The following DLG2 variants were observed in gnomAD, a reference collection of about 807,000 sequenced individuals.
The protein encoded by DLG2 is disks large homolog 2.
A neutral mutation model predicts 132.5 loss-of-function variants in DLG2; 45 were observed. The observed-to-expected ratio is 0.34, with a 90% CI of 0.27 to 0.44. The LOEUF (loss-of-function observed/expected upper bound fraction) is 0.44. Among genes scored for constraint, DLG2 ranks in the 20% least tolerant of loss-of-function variants. The pLI is 1.00. For synonymous variants in DLG2, 424 were observed against 419.6 expected, an observed-to-expected ratio of 1.01 and a Z score of -0.13; for missense variants, 1,045 against 1,196.9, an observed-to-expected ratio of 0.87 and a Z score of 1.87.
chr11:84,974,405 A>C (rs531486936), intron 6 of DLG2, among the ~76,000 whole-genome samples: 37 of 152,308 alleles, frequency 2.4e-4, no homozygotes, highest in African/African-American at 8.9e-4. Context: ...TAGGTAATTT[A>C]GTTAACTTTC....
chr11:85,288,845 T>C (rs2152766338), intron 3 of DLG2, among the ~76,000 whole-genome samples: 1 of 152,202 alleles, frequency 6.6e-6, no homozygotes, highest in South Asian at 2.1e-4. Context: ...TGAGCAGTAT[T>C]TGCAAGTCAC....
intron 18 of DLG2, among the ~76,000 whole-genome samples, chr11:83,768,285 A>G (rs2094228594): frequency 1.3e-5 from 2 of 152,188 alleles, no homozygotes; most frequent in Admixed American, 1.3e-4. Flanking sequence ...CTTGCTCCTT[A>G]AAGGTTGCAT....
intron 3 of DLG2, among the ~76,000 whole-genome samples, chr11:85,558,565 A>T (rs2077054242): frequency 6.6e-6 from 1 of 151,954 alleles, no homozygotes; most frequent in Non-Finnish European, 1.5e-5. Flanking sequence ...AGTGGACTGG[A>T]TAAAGACAAT....
At chr11:85,365,758 G>C (rs919601366) in intron 3 of DLG2, among the ~76,000 whole-genome samples, 2 of 152,168 alleles carry the variant, frequency 1.3e-5, no homozygotes, top group African/African-American at 4.8e-5. Flanking sequence ...CAGCCATAAA[G>C]AAGGATGAGT....
chr11:84,142,285 C>T (rs1015717238), intron 9 of DLG2, among the ~76,000 whole-genome samples: 1 of 142,132 alleles, frequency 7.0e-6, no homozygotes, highest in African/African-American at 2.6e-5. Flanking sequence ...CGCTCCACTG[C>T]ACTCTAGCCT....
intron 6 of DLG2, among the ~76,000 whole-genome samples, chr11:84,591,188 AG>A (rs2099541815): frequency 7.0e-6 from 1 of 143,306 alleles, no homozygotes; most frequent in Non-Finnish European, 1.5e-5. Context: ...CCCACCCTAA[AG>A]TTTTGTTATA....
chr11:84,204,850 C>T (rs548797972), intron 8 of DLG2, among the ~76,000 whole-genome samples: 4 of 152,138 alleles, frequency 2.6e-5, no homozygotes, highest in African/African-American at 7.2e-5. Flanking sequence ...TATAGGCTCC[C>T]GCCACCACAC....
At chr11:83,538,890 G>A (rs1446342605) in intron 20 of DLG2, among the ~76,000 whole-genome samples, 4 of 152,206 alleles carry the variant, frequency 2.6e-5, no homozygotes, top group Non-Finnish European at 5.9e-5. Flanking sequence ...AGCAATGCTT[G>A]CTGAATTGAA....
intron 3 of DLG2, among the ~76,000 whole-genome samples, chr11:85,586,628 T>C (rs1423477896): frequency 6.6e-6 from 1 of 152,208 alleles, no homozygotes; most frequent in African/African-American, 2.4e-5. Flanking sequence ...AGTCTATCAA[T>C]TTTGTTTATC....
chr11:84,222,490 A>G (rs1211729347), intron 8 of DLG2, among the ~76,000 whole-genome samples: 1 of 152,234 alleles, frequency 6.6e-6, no homozygotes, highest in East Asian at 1.9e-4. Context: ...AGAAAGGGCT[A>G]TAAAATGTCG....
At chr11:84,824,164 C>A (rs187981632) in intron 6 of DLG2, among the ~76,000 whole-genome samples, 164 of 152,018 alleles carry the variant, frequency 1.1e-3, no homozygotes, top group African/African-American at 3.8e-3. Flanking sequence ...ACTTTGCAGG[C>A]AGAACTGCAG....
intron 3 of DLG2, among the ~76,000 whole-genome samples, chr11:85,387,750 A>G (rs1332750720): frequency 6.6e-6 from 1 of 152,222 alleles, no homozygotes; most frequent in Non-Finnish European, 1.5e-5. Flanking sequence ...CTGAGTCAAT[A>G]TATCTAAAAT....
chr11:84,501,496 A>T (rs2099205135), intron 7 of DLG2, among the ~76,000 whole-genome samples: 1 of 152,132 alleles, frequency 6.6e-6, no homozygotes, highest in African/African-American at 2.4e-5. Context: ...ACCCGGGAAG[A>T]TGGACGGTGG....
At chr11:84,552,466 A>T (rs1168304185) in intron 6 of DLG2, among the ~76,000 whole-genome samples, 1 of 152,140 alleles carries the variant, frequency 6.6e-6, no homozygotes, top group Non-Finnish European at 1.5e-5. Flanking sequence ...TTTAACGTCA[A>T]AGTTCAGTTA....
At chr11:84,995,655 G>C (rs1377508259) in intron 6 of DLG2, among the ~76,000 whole-genome samples, 1 of 152,060 alleles carries the variant, frequency 6.6e-6, no homozygotes, top group Non-Finnish European at 1.5e-5. Flanking sequence ...TGGAACATTT[G>C]AGAGATTGTC....
intron 12 of DLG2, among the ~76,000 whole-genome samples, chr11:83,967,365 G>T (rs1275731485): frequency 1.3e-5 from 2 of 152,002 alleles, no homozygotes; most frequent in African/African-American, 4.8e-5. Context: ...GTGTACAAGT[G>T]CTCCCTTTTC....
intron 7 of DLG2, among the ~76,000 whole-genome samples, chr11:84,355,064 T>C (rs528570337): frequency 2.6e-5 from 4 of 152,090 alleles, no homozygotes; most frequent in African/African-American, 9.7e-5. Flanking sequence ...CCTACTTTAG[T>C]TCACAGTGTA....
At chr11:83,897,003 A>G (rs1314626592) in intron 15 of DLG2, among the ~76,000 whole-genome samples, 5 of 152,222 alleles carry the variant, frequency 3.3e-5, no homozygotes, top group Non-Finnish European at 5.9e-5. Context: ...ATCTGATTCC[A>G]TACTAGCAGA....
chr11:84,691,841 C>T (rs534506038), intron 6 of DLG2, among the ~76,000 whole-genome samples: 2 of 151,652 alleles, frequency 1.3e-5, no homozygotes, highest in South Asian at 2.1e-4. Flanking sequence ...GCATGGCATG[C>T]AAAAATCATT....
Sources: allele counts gnomAD v4.1 joint callset (sites outside exome capture counted in the v4.1 genomes callset), GRCh38; gene constraint gnomAD v4.1.1; transcripts MANE v1.5; gene names NCBI Gene and HGNC (gene_info 2026-07-23, HGNC 2026-07-21).